ME1: variants seen among roughly 807,000 people sequenced by gnomAD.
ME1 encodes the protein malic enzyme 1.
Under a neutral mutation model 66.4 loss-of-function variants are expected in ME1, and 74 were observed. The observed-to-expected ratio is 1.11, with a 90% confidence interval of 0.92 to 1.35. ME1 has a LOEUF of 1.35. Ranked by LOEUF, ME1 falls within the 40% of genes most tolerant of loss-of-function variation. The pLI, the probability that ME1 is intolerant of heterozygous loss-of-function variation, is 0.00. For missense variants in ME1, 750 were observed against 694.1 expected, an observed-to-expected ratio of 1.08 and a Z score of -0.90; for synonymous variants, 251 against 235.6, an observed-to-expected ratio of 1.07 and a Z score of -0.60.
intron 9 of ME1, among the ~76,000 whole-genome samples, chr6:83,234,763 C>T (rs1790366129): frequency 7.8e-6 from 1 of 128,176 alleles, no homozygotes; most frequent in Admixed American, 8.2e-5. Context: ...GGCAAACCCC[C>T]CTGCACAGGT....
At chr6:83,387,832 C>A (rs1482936919) in intron 3 of ME1, among the ~76,000 whole-genome samples, 1 of 151,982 alleles carries the variant, frequency 6.6e-6, no homozygotes. Flanking sequence ...TTCTTTTTAA[C>A]AATTACTTTT....
At chr6:83,341,104 T>G (rs1768572902) in intron 5 of ME1, among the ~76,000 whole-genome samples, 1 of 152,126 alleles carries the variant, frequency 6.6e-6, no homozygotes, top group African/African-American at 2.4e-5. Context: ...TCGGTCAACC[T>G]GGAGACTGAG....
chr6:83,375,864 G>C (rs1451874058), intron 3 of ME1, among the ~76,000 whole-genome samples: 1 of 152,096 alleles, frequency 6.6e-6, no homozygotes, highest in Non-Finnish European at 1.5e-5. Context: ...TGTGGTTTTT[G>C]TCATTGTTTC....
At chr6:83,396,370 T>C (rs2128550473) in intron 3 of ME1, among the ~76,000 whole-genome samples, 1 of 152,022 alleles carries the variant, frequency 6.6e-6, no homozygotes, top group Non-Finnish European at 1.5e-5. Context: ...ATAATAATAA[T>C]AATGATAGCC....
intron 6 of ME1, among the ~76,000 whole-genome samples, chr6:83,271,392 A>G (rs1220104482): frequency 6.6e-6 from 1 of 152,206 alleles, no homozygotes; most frequent in Non-Finnish European, 1.5e-5. Context: ...GAATGTGGCT[A>G]CAACTGAGTC....
At chr6:83,290,781 C>T (rs1286049218) in intron 6 of ME1, among the ~76,000 whole-genome samples, 3 of 152,108 alleles carry the variant, frequency 2.0e-5, no homozygotes, top group Non-Finnish European at 4.4e-5. Context: ...TCTCCAAGAA[C>T]TTGCTTTATG....
chr6:83,306,276 A>C (rs560608112), intron 6 of ME1, among the ~76,000 whole-genome samples: 3 of 152,184 alleles, frequency 2.0e-5, no homozygotes, highest in African/African-American at 7.2e-5. Flanking sequence ...AATTAAAGTT[A>C]AGAGAATAAA....
At chr6:83,329,544 G>A (rs894945211) in intron 5 of ME1, among the ~76,000 whole-genome samples, 1 of 152,024 alleles carries the variant, frequency 6.6e-6, no homozygotes, top group Non-Finnish European at 1.5e-5. Flanking sequence ...CCTATATCAT[G>A]AAATATACAT....
intron 3 of ME1, among the ~76,000 whole-genome samples, chr6:83,378,675 CT>C (rs759346424): frequency 0.035 from 4,795 of 137,516 alleles, 102 homozygotes; most frequent in African/African-American, 0.08. Flanking sequence ...CTTTCTTCCT[CT>C]TTTTTTTTTT....
chr6:83,366,416 T>C (rs1769101529), intron 3 of ME1, among the ~76,000 whole-genome samples: 2 of 152,142 alleles, frequency 1.3e-5, no homozygotes, highest in Admixed American at 6.5e-5. Flanking sequence ...TTCACTTTCT[T>C]ATATGTCTGT....
chr6:83,340,158 C>T (rs902252488), intron 5 of ME1, among the ~76,000 whole-genome samples: 1 of 152,086 alleles, frequency 6.6e-6, no homozygotes, highest in African/African-American at 2.4e-5. Context: ...AATTTGACCA[C>T]AGTATTTTTT....
At chr6:83,417,043 A>G (rs947666737) in intron 1 of ME1, among the ~76,000 whole-genome samples, 2 of 152,106 alleles carry the variant, frequency 1.3e-5, no homozygotes, top group Admixed American at 6.5e-5. Flanking sequence ...GATCTGCAAT[A>G]AGGTTTTGTT....
intron 7 of ME1, among the ~76,000 whole-genome samples, chr6:83,247,505 C>T (rs1476671563): frequency 6.6e-6 from 1 of 151,188 alleles, no homozygotes; most frequent in African/African-American, 2.4e-5. Flanking sequence ...TTTCATAAAT[C>T]ATATCTTTAA....
At chr6:83,228,248 T>C (rs1197329173) in intron 10 of ME1, among the ~76,000 whole-genome samples, 2 of 152,212 alleles carry the variant, frequency 1.3e-5, no homozygotes, top group African/African-American at 4.8e-5. Context: ...TTAAGTGCTA[T>C]AAGGAAAATA....
At chr6:83,215,896 C>A (rs932057251) in intron 13 of ME1, among the ~76,000 whole-genome samples, 1 of 152,186 alleles carries the variant, frequency 6.6e-6, no homozygotes, top group Admixed American at 6.5e-5. Flanking sequence ...AAAACTAATA[C>A]AATTACACTG....
Position 83,293,724 on chromosome 6 carries a change from G to C in ME1, c.704+21586C>G, listed in dbSNP as rs536421875. Among the ~76,000 whole-genome samples, 331 of 152,264 alleles carry C rather than the reference G, an allele frequency of 2.2e-3. 3 individuals are homozygous for C. The highest frequency in any genetic ancestry group is 7.7e-3 in the African/African-American group (321 of 41,542). On this transcript the variant is annotated intron_variant, in intron 6 of 13. Coordinates refer to ENST00000369705, the MANE Select transcript of ME1 (RefSeq NM_002395.6). ...GAGCTGTCATAATGTATCTGCTTCTGACTCAGTTGTTTCACTAGATTTGCC... is the reference window on the plus strand; with the variant it reads ...GAGCTGTCATAATGTATCTGCTTCTCACTCAGTTGTTTCACTAGATTTGCC...
chr6:83,351,694 A>G (rs575861816), intron 4 of ME1, among the ~76,000 whole-genome samples: 34 of 152,366 alleles, frequency 2.2e-4, no homozygotes, highest in African/African-American at 7.9e-4. Context: ...TAATGATAAA[A>G]GAAATGAATT....
intron 7 of ME1, among the ~76,000 whole-genome samples, chr6:83,243,556 TCGA>T (rs1243742896): frequency 0.14 from 10,174 of 75,040 alleles, 1,107 homozygotes; most frequent in African/African-American, 0.26. Context: ...TTATATTATA[TCGA>T]TATAATCTAT....
chr6:83,329,977 C>A (rs1166482665), intron 5 of ME1, among the ~76,000 whole-genome samples: 1 of 151,998 alleles, frequency 6.6e-6, no homozygotes, highest in Non-Finnish European at 1.5e-5. Context: ...GGCACCATAC[C>A]TGGCTAATTT....
Sources: allele counts gnomAD v4.1 joint callset (sites outside exome capture counted in the v4.1 genomes callset), GRCh38; gene constraint gnomAD v4.1.1; transcripts MANE v1.5; gene names NCBI Gene and HGNC (gene_info 2026-07-23, HGNC 2026-07-21).